The following TRPM3 variants were observed in gnomAD, a reference collection of about 807,000 sequenced individuals.
TRPM3 encodes the protein transient receptor potential cation channel subfamily M member 3, also known as long transient receptor potential channel 3.
A neutral mutation model predicts 181.2 loss-of-function variants in TRPM3; 77 were observed. The ratio of observed to expected loss-of-function variants is 0.42; its 90% CI spans 0.35 to 0.51. The LOEUF is 0.51. TRPM3 is among the 20% of genes least tolerant of loss of function. TRPM3 has a pLI of 0.01. For synonymous variants in TRPM3, 745 were observed against 796.4 expected (o/e 0.94, Z 1.09); for missense variants, 1,759 against 2,196.7 (o/e 0.80, Z 3.98).
intron 1 of TRPM3, among the ~76,000 whole-genome samples, chr9:70,983,623 G>A (rs1188790072): frequency 2.6e-5 from 4 of 152,164 alleles, no homozygotes; most frequent in Non-Finnish European, 5.9e-5. Context: ...GAAGGAGAAA[G>A]CTTTACCATA....
At chr9:70,646,418 A>G (rs1187218866) in intron 9 of TRPM3, among the ~76,000 whole-genome samples, 1 of 152,216 alleles carries the variant, frequency 6.6e-6, no homozygotes, top group Non-Finnish European at 1.5e-5. Context: ...TGACCTTTGC[A>G]GGGACATGGA....
intron 1 of TRPM3, among the ~76,000 whole-genome samples, chr9:70,915,455 G>A (rs570301946): frequency 6.6e-6 from 1 of 150,872 alleles, no homozygotes; most frequent in South Asian, 2.1e-4. Flanking sequence ...CCACCACCAT[G>A]CCCGGCTAAT....
intron 14 of TRPM3, 91 bp from the exon 15 acceptor site, chr9:70,621,364 G>A: frequency 1.1e-6 from 1 of 943,182 alleles, no homozygotes; most frequent in Non-Finnish European, 1.5e-6. Context: ...TTTTTGTTTT[G>A]TTTTGTTTTG....
At chr9:70,853,216 GTGAC>G (rs1200501802) in intron 3 of TRPM3, among the ~76,000 whole-genome samples, 6 of 152,218 alleles carry the variant, frequency 3.9e-5, no homozygotes, top group Admixed American at 6.5e-5. Flanking sequence ...GGGAAGGTGA[GTGAC>G]TGGAATATCA....
intron 22 of TRPM3, among the ~76,000 whole-genome samples, chr9:70,564,356 C>G (rs1413488842): frequency 6.6e-6 from 1 of 152,154 alleles, no homozygotes; most frequent in African/African-American, 2.4e-5. Context: ...ATACACCTTT[C>G]TGAGCAATGA....
In TRPM3 at chr9:70,800,810, T is replaced by TG. The variant is rs199591253; in HGVS notation, c.974-16532_974-16531insC. Reference sequence around the variant, plus strand: ...ATCAACAGTAGGCTATCAATAGTATTTTTTTTTGAGAAGTCGAAAGTTACA... The same window carrying TG: ...ATCAACAGTAGGCTATCAATAGTATTGTTTTTTTGAGAAGTCGAAAGTTACA... On this transcript the variant is annotated intron_variant, in intron 6 of 25. Transcript: ENST00000677713. Among the ~76,000 whole-genome samples, 11 of 152,162 alleles carry TG rather than the reference T, an allele frequency of 7.2e-5. No homozygotes were observed. In the South Asian group the frequency reaches 2.3e-3, roughly 32 times the overall value.
chr9:70,685,798 A>C (rs907922539), intron 8 of TRPM3, among the ~76,000 whole-genome samples: 2 of 152,062 alleles, frequency 1.3e-5, no homozygotes, highest in Non-Finnish European at 2.9e-5. Context: ...TTTTCATAGA[A>C]TCTTAAGTTG....
At chr9:70,793,486 ATAT>A (rs2086135802) in intron 6 of TRPM3, 11 of 159,802 alleles carry the variant, frequency 6.9e-5, no homozygotes, top group Admixed American at 2.8e-4. Flanking sequence ...ATATATATAT[ATAT>A]ATAAAACACA....
intron 1 of TRPM3, among the ~76,000 whole-genome samples, chr9:70,952,668 T>C: frequency 6.6e-6 from 1 of 152,140 alleles, no homozygotes; most frequent in East Asian, 1.9e-4. Context: ...AATTGGAAGT[T>C]TGACAGACGG....
chr9:70,959,395 G>T (rs1372110138), intron 1 of TRPM3, among the ~76,000 whole-genome samples: 1 of 151,704 alleles, frequency 6.6e-6, no homozygotes, highest in Non-Finnish European at 1.5e-5. Flanking sequence ...AGTACTGGAT[G>T]ATGGCAGAAG....
intron 1 of TRPM3, among the ~76,000 whole-genome samples, chr9:71,076,552 C>T (rs1327985225): frequency 6.6e-6 from 1 of 152,146 alleles, no homozygotes; most frequent in Admixed American, 6.6e-5. Context: ...CCACTTAGCA[C>T]GATGAACAAC....
At chr9:71,109,434 C>T (rs1163765604) in intron 1 of TRPM3, among the ~76,000 whole-genome samples, 1 of 152,060 alleles carries the variant, frequency 6.6e-6, no homozygotes, top group Non-Finnish European at 1.5e-5. Flanking sequence ...ATTTGCATTG[C>T]ATCACTTTTG....
In TRPM3 at chr9:70,598,620, C is replaced by A; in HGVS notation, c.2847G>T (p.Leu949=). Reference sequence around the variant, plus strand: ...GGTCCGTGACATTCCAGTACTCCTGCAGCCATACCTTCACTTTCTGTAGCA... The same window carrying A: ...GGTCCGTGACATTCCAGTACTCCTGAAGCCATACCTTCACTTTCTGTAGCA... ...GKLLQKVKVW[L]QEYWNVTDLI... The change falls in exon 21 of 26, where the codon CTG becomes CTT. Residue 949 remains leucine (L), a synonymous_variant. Coordinates refer to ENST00000677713, the MANE Select transcript of TRPM3 (RefSeq NM_001366145.2). 6.2e-7 allele frequency: 1 copy of A among 1,614,208 alleles called. No individual in the cohort carries two copies. The highest frequency in any genetic ancestry group is 1.1e-5 in the South Asian group (1 of 91,080).
intron 1 of TRPM3, among the ~76,000 whole-genome samples, chr9:71,005,934 C>A (rs931446366): frequency 6.6e-6 from 1 of 151,898 alleles, no homozygotes; most frequent in Non-Finnish European, 1.5e-5. Context: ...TGAAGACTAA[C>A]AGATAAAATT....
At chr9:71,257,163 G>A (rs1339351054) in intron 1 of TRPM3, among the ~76,000 whole-genome samples, 1 of 152,252 alleles carries the variant, frequency 6.6e-6, no homozygotes. Flanking sequence ...TGTAGCAGAT[G>A]GACCAGAGGA....
intron 22 of TRPM3, among the ~76,000 whole-genome samples, chr9:70,575,109 A>ATT (rs55876205): frequency 1.3e-3 from 176 of 134,342 alleles, no homozygotes; most frequent in African/African-American, 3.2e-3. Flanking sequence ...ATCCCGCATA[A>ATT]TTTTTTTTTT....
intron 1 of TRPM3, among the ~76,000 whole-genome samples, chr9:71,176,677 C>T (rs1254427515): frequency 6.6e-6 from 1 of 151,948 alleles, no homozygotes; most frequent in African/African-American, 2.4e-5. Context: ...CACCACTCAC[C>T]CACCGACTCA....
At chr9:71,332,628 C>T (rs2090288310) in intron 1 of TRPM3, among the ~76,000 whole-genome samples, 1 of 151,652 alleles carries the variant, frequency 6.6e-6, no homozygotes, top group Admixed American at 6.6e-5. Flanking sequence ...ACATCAGTTT[C>T]CTTACCAATT....
chr9:70,575,006 A>G (rs2053547668), intron 22 of TRPM3, among the ~76,000 whole-genome samples: 1 of 151,650 alleles, frequency 6.6e-6, no homozygotes, highest in Admixed American at 6.6e-5. Context: ...CAGTGGCACA[A>G]TCACAGCTCA....
Sources: allele counts gnomAD v4.1 joint callset (sites outside exome capture counted in the v4.1 genomes callset), GRCh38; gene constraint gnomAD v4.1.1; transcripts MANE v1.5; gene names NCBI Gene and HGNC (gene_info 2026-07-23, HGNC 2026-07-21).